ACYP2: variants seen among roughly 807,000 people sequenced by gnomAD.
ACYP2 encodes acylphosphatase-2.
A neutral mutation model predicts 11.2 loss-of-function variants in ACYP2; 12 were observed. The ratio of observed to expected loss-of-function variants is 1.08; its 90% CI spans 0.69 to 1.74. ACYP2 has a LOEUF of 1.74. ACYP2 is among the 40% of genes most tolerant of loss of function. The probability of loss-of-function intolerance (pLI) is 0.00; values close to 1 mark genes in which losing one functional copy is unlikely to be tolerated. For synonymous variants in ACYP2, 43 were observed against 32.2 expected (o/e 1.33, Z -1.13); for missense variants, 134 against 101.9 (o/e 1.31, Z -1.35).
chr2:54,239,304 A>C (rs916940070), intron 6 of ACYP2, among the ~76,000 whole-genome samples: 1 of 152,184 alleles, frequency 6.6e-6, no homozygotes, highest in Non-Finnish European at 1.5e-5. Context: ...AAGAGGCCAT[A>C]CTGTGATATT....
chr2:54,276,613 GTTC>G (rs1688584461), intron 6 of ACYP2, among the ~76,000 whole-genome samples: 1 of 117,294 alleles, frequency 8.5e-6, no homozygotes, highest in Non-Finnish European at 1.8e-5. Flanking sequence ...GGTTCAGATT[GTTC>G]TTTCACACAC....
rs34359444 is a variant in ACYP2 at position 54,230,829 on chromosome 2, CTT to C, written c.405-73842_405-73841del. ...TCAAACCAATGTATTTCTTTCTTTT[CTT>C]TTTTTTTTTTTTTTTTGAGTCAAAG... On this transcript the variant is annotated intron_variant, in intron 6 of 6. Transcript: ENST00000607452. Among the ~76,000 whole-genome samples, 528 of 129,290 alleles carry C rather than the reference CTT, an allele frequency of 4.1e-3. 1 individual carries two copies. Among genetic ancestry groups the C allele is most frequent in the African/African-American group, 0.014 (480 of 34,490 alleles). 84.8% of individuals were successfully genotyped at this position (129,290 alleles called of 152,430 possible).
intron 2 of ACYP2, among the ~76,000 whole-genome samples, chr2:54,028,908 C>T (rs1039681531): frequency 6.6e-6 from 1 of 152,150 alleles, no homozygotes; most frequent in Non-Finnish European, 1.5e-5. Context: ...TCTGTAATCC[C>T]AGAATTTTGA....
chr2:54,012,723 C>T (rs1367060477), intron 2 of ACYP2, among the ~76,000 whole-genome samples: 1 of 152,158 alleles, frequency 6.6e-6, no homozygotes, highest in African/African-American at 2.4e-5. Flanking sequence ...GTTTCCCAAG[C>T]CTCCCAGTTG....
intron 6 of ACYP2, among the ~76,000 whole-genome samples, chr2:54,258,880 G>A (rs1409522577): frequency 2.0e-5 from 3 of 152,170 alleles, no homozygotes; most frequent in African/African-American, 7.2e-5. Flanking sequence ...AATATGCTGT[G>A]CTATGAAGTA....
chr2:54,151,047 G>A (rs1031384803), intron 6 of ACYP2, among the ~76,000 whole-genome samples: 7 of 152,152 alleles, frequency 4.6e-5, no homozygotes, highest in African/African-American at 1.7e-4. Context: ...GGCAGATTCT[G>A]TGTTTCTATA....
chr2:54,064,966 C>A (rs1009706373), intron 4 of ACYP2, among the ~76,000 whole-genome samples: 1 of 152,082 alleles, frequency 6.6e-6, no homozygotes, highest in Non-Finnish European at 1.5e-5. Flanking sequence ...GGCCTGTAAT[C>A]CCAGGTACTC....
chr2:54,240,096 C>A (rs1686668104), intron 6 of ACYP2, among the ~76,000 whole-genome samples: 1 of 152,124 alleles, frequency 6.6e-6, no homozygotes, highest in South Asian at 2.1e-4. Flanking sequence ...AGCTCTGTAA[C>A]CATCTTATGT....
intron 6 of ACYP2, among the ~76,000 whole-genome samples, chr2:54,206,554 G>A (rs1033899403): frequency 6.6e-6 from 1 of 152,144 alleles, no homozygotes; most frequent in Non-Finnish European, 1.5e-5. Flanking sequence ...GTACTAAAAG[G>A]CACTTTGAAA....
intron 6 of ACYP2, among the ~76,000 whole-genome samples, chr2:54,166,247 C>T (rs1023681880): frequency 3.3e-4 from 50 of 152,300 alleles, no homozygotes; most frequent in African/African-American, 1.2e-3. Flanking sequence ...TGATTATTAC[C>T]TGTGTCCTCT....
chr2:54,135,298 T>A (rs1288719474), intron 4 of ACYP2, among the ~76,000 whole-genome samples, 155 bp from the exon 2 acceptor site: 1 of 152,176 alleles, frequency 6.6e-6, no homozygotes, highest in African/African-American at 2.4e-5. Context: ...TTAAATTTAA[T>A]ATTGTAGGAC....
chr2:54,030,293 C>T (rs1674514962), intron 2 of ACYP2, among the ~76,000 whole-genome samples: 1 of 152,194 alleles, frequency 6.6e-6, no homozygotes, highest in Non-Finnish European at 1.5e-5. Flanking sequence ...CCTCTGTTAC[C>T]TTGACTCGTC....
At chr2:54,042,285 C>G (rs1350403206) in intron 2 of ACYP2, among the ~76,000 whole-genome samples, 10 of 152,182 alleles carry the variant, frequency 6.6e-5, no homozygotes, top group Non-Finnish European at 1.3e-4. Flanking sequence ...GGATTACAGG[C>G]GTGAGCCACC....
At position 54,115,755 on chromosome 2, in the gene ACYP2, G is replaced by A. The variant is rs762829593; in HGVS notation, c.278-19698G>A. 2.5e-6 allele frequency: 4 copies of A among 1,607,262 alleles called. 1 individual carries two copies. In the South Asian group the frequency reaches 3.3e-5, roughly 13 times the overall value. On this transcript the variant is annotated intron_variant, in intron 4 of 6. Coordinates refer to ENST00000607452, the MANE Select transcript of ACYP2 (RefSeq NM_001320586.2). ...ACTACGAGGTGTTCGGAAGAGTGCA[G>A]GGTAGGAGGCCCCTCTACGGTGGGA...
chr2:54,260,313 A>G (rs1687724185), intron 6 of ACYP2, among the ~76,000 whole-genome samples: 1 of 152,140 alleles, frequency 6.6e-6, no homozygotes. Flanking sequence ...CTGAGGACAG[A>G]GAAGAAGGTA....
In ACYP2 at chr2:54,304,676, GT is replaced by G; in HGVS notation, c.405-5del. ...GTATGCTAATTTTATTTATTTATCT[GT>G]TTTTTTATAGGAAGTCCTGGCTGAG... is the stretch of plus-strand genomic sequence containing the variant. On this transcript the variant is annotated splice_polypyrimidine_tract_variant and intron_variant, in intron 6 of 6. Coordinates refer to ENST00000607452, the MANE Select transcript of ACYP2 (RefSeq NM_001320586.2). 2 of 1,588,736 alleles carry G rather than the reference GT, an allele frequency of 1.3e-6. No individual in the cohort carries two copies. The highest frequency in any genetic ancestry group is 2.2e-5 in the East Asian group (1 of 44,638).
chr2:54,239,197 T>C (rs1686626689), intron 6 of ACYP2, among the ~76,000 whole-genome samples: 1 of 152,134 alleles, frequency 6.6e-6, no homozygotes, highest in African/African-American at 2.4e-5. Flanking sequence ...GCACCCACAG[T>C]ATTTTGCCAG....
At chr2:54,239,745 G>GTGACT (rs1214328354) in intron 6 of ACYP2, among the ~76,000 whole-genome samples, 1 of 152,168 alleles carries the variant, frequency 6.6e-6, no homozygotes, top group Non-Finnish European at 1.5e-5. Context: ...ACCACCCATG[G>GTGACT]TGACCTAAGA....
At chr2:54,041,605 A>G (rs898948968) in intron 2 of ACYP2, among the ~76,000 whole-genome samples, 3 of 152,206 alleles carry the variant, frequency 2.0e-5, no homozygotes, top group Non-Finnish European at 4.4e-5. Context: ...TTGGCTGCAC[A>G]GGTGTACGAC....
Sources: allele counts gnomAD v4.1 joint callset (sites outside exome capture counted in the v4.1 genomes callset), GRCh38; gene constraint gnomAD v4.1.1; transcripts MANE v1.5; gene names NCBI Gene and HGNC (gene_info 2026-07-23, HGNC 2026-07-21).